The following FOXO3 variants were observed in gnomAD, a reference collection of about 807,000 sequenced individuals.
FOXO3 encodes the protein forkhead box O3.
In FOXO3, 4 loss-of-function variants were observed where a neutral mutation model predicts 41.9. That is an observed-to-expected ratio of 0.10 (90% CI 0.05 to 0.22). FOXO3 has a LOEUF of 0.22. Ranked by LOEUF, FOXO3 falls within the 10% of genes least tolerant of loss-of-function variation. FOXO3 has a pLI of 1.00. For missense variants in FOXO3, 534 were observed against 906.8 expected (o/e 0.59, Z 5.28); for synonymous variants, 318 against 389.3 (o/e 0.82, Z 2.16).
rs547004106 is a variant in FOXO3 at position 108,665,359 on chromosome 6, C to CT, written c.*34+477dup. ...ATCTTCAGTGTTACATGTTCTTCAT[C>CT]TTTTTTTCCTTGTAAAGTAATGATC... On this transcript the variant is annotated intron_variant, in intron 2 of 2. Transcript: ENST00000406360. 4.1e-3 allele frequency among the ~76,000 whole-genome samples: 626 copies of CT among 152,258 alleles called. 3 individuals carry two copies. The highest frequency in any genetic ancestry group is 7.0e-3 in the Non-Finnish European group (474 of 68,004).
intron 1 of FOXO3, among the ~76,000 whole-genome samples, chr6:108,647,305 C>T (rs1179431879): frequency 6.6e-6 from 1 of 152,186 alleles, no homozygotes; most frequent in Admixed American, 6.5e-5. Context: ...CTTATTTCTG[C>T]AGGCCTTGCC....
chr6:108,567,105 T>C (rs1256944189), intron 1 of FOXO3, among the ~76,000 whole-genome samples: 1 of 152,262 alleles, frequency 6.6e-6, no homozygotes, highest in East Asian at 1.9e-4. Flanking sequence ...ATCTGTGCTT[T>C]GTGAATTTGT....
intron 1 of FOXO3, among the ~76,000 whole-genome samples, chr6:108,661,152 G>A (rs1410775062): frequency 1.3e-5 from 2 of 152,086 alleles, no homozygotes; most frequent in Non-Finnish European, 2.9e-5. Flanking sequence ...TGAGGTGGGA[G>A]AATCACTTGA....
intron 1 of FOXO3, among the ~76,000 whole-genome samples, chr6:108,658,136 G>A (rs1778742930): frequency 6.6e-6 from 1 of 152,158 alleles, no homozygotes; most frequent in Non-Finnish European, 1.5e-5. Flanking sequence ...CATGACCTGT[G>A]AGGAAAACAG....
chr6:108,574,178 A>G (rs113095145), intron 1 of FOXO3, among the ~76,000 whole-genome samples: 7 of 151,550 alleles, frequency 4.6e-5, no homozygotes, highest in African/African-American at 1.7e-4. Flanking sequence ...AAAAAGAAGA[A>G]TTAGCGCGTA....
intron 1 of FOXO3, chr6:108,639,459 A>G (rs547212462): frequency 1.0e-3 from 735 of 705,706 alleles, no homozygotes; most frequent in Non-Finnish European, 1.2e-3. Flanking sequence ...AAGAAAGCCA[A>G]TAAGACCATG....
intron 2 of FOXO3, among the ~76,000 whole-genome samples, chr6:108,671,846 G>C (rs1353423861): frequency 1.3e-5 from 2 of 152,164 alleles, no homozygotes; most frequent in African/African-American, 2.4e-5. Flanking sequence ...TGCCAGTTTG[G>C]GGGTGCTCAT....
chr6:108,650,702 T>C (rs1396268239), intron 1 of FOXO3, among the ~76,000 whole-genome samples: 1 of 152,230 alleles, frequency 6.6e-6, no homozygotes, highest in African/African-American at 2.4e-5. Context: ...AACTTACACA[T>C]TTGGGAACAC....
chr6:108,574,467 G>C (rs1776207145), intron 1 of FOXO3, among the ~76,000 whole-genome samples: 1 of 152,078 alleles, frequency 6.6e-6, no homozygotes, highest in African/African-American at 2.4e-5. Context: ...GCAACATCAA[G>C]AAAAGCAGAT....
chr6:108,568,065 A>G (rs1426607420), intron 1 of FOXO3, among the ~76,000 whole-genome samples: 2 of 150,384 alleles, frequency 1.3e-5, no homozygotes, highest in African/African-American at 5.0e-5. Context: ...AAAAAAAATT[A>G]GCTCTGTTGT....
At chr6:108,625,873 T>A (rs557317052) in intron 1 of FOXO3, among the ~76,000 whole-genome samples, 4 of 152,204 alleles carry the variant, frequency 2.6e-5, no homozygotes, top group Non-Finnish European at 5.9e-5. Flanking sequence ...CCACCACAGG[T>A]CCTCAGTACA....
chr6:108,580,936 C>T (rs7747393), intron 1 of FOXO3, among the ~76,000 whole-genome samples: 28,278 of 152,044 alleles, frequency 0.19, 2,914 homozygotes, highest in Middle Eastern at 0.27. Flanking sequence ...GGCTCTAGAG[C>T]AGATGTGATA....
intron 1 of FOXO3, among the ~76,000 whole-genome samples, chr6:108,594,876 A>G (rs564197999): frequency 5.1e-4 from 78 of 152,336 alleles, no homozygotes; most frequent in African/African-American, 1.8e-3. Context: ...AGAATGGGCT[A>G]CACCTAAGCA....
At chr6:108,649,008 TAAAAAAAAAAAAAA>T (rs10612637) in intron 1 of FOXO3, among the ~76,000 whole-genome samples, 1 of 79,104 alleles carries the variant, frequency 1.3e-5, no homozygotes, top group Non-Finnish European at 2.4e-5. Context: ...ACCTATCTCT[TAAAAAAAAAAAAAA>T]AAAAAAAAAA....
intron 1 of FOXO3, among the ~76,000 whole-genome samples, chr6:108,652,593 A>G (rs1778576296): frequency 6.6e-6 from 1 of 152,206 alleles, no homozygotes; most frequent in Non-Finnish European, 1.5e-5. Context: ...CTTGATTTCT[A>G]GCACCACCAC....
intron 1 of FOXO3, among the ~76,000 whole-genome samples, chr6:108,585,182 C>T (rs1277287828): frequency 6.6e-6 from 1 of 151,936 alleles, no homozygotes; most frequent in Non-Finnish European, 1.5e-5. Context: ...GCTGGGACTA[C>T]AGGCGCCCGC....
In FOXO3 at chr6:108,624,375, G is replaced by T. The variant is rs900609730; in HGVS notation, c.622-39080G>T. 1.1e-4 allele frequency among the ~76,000 whole-genome samples: 16 copies of T among 152,038 alleles called. 1 individual carries two copies. The highest frequency in any genetic ancestry group is 1.0e-3 in the Admixed American group (16 of 15,264). On this transcript the variant is annotated intron_variant, in intron 1 of 2. Transcript: ENST00000406360. Reference sequence around the variant, plus strand: ...ACAGCATTTTTGGTACAAATCCAAGGAAGTCCAAAGAGGATCAGGTTTTAT... The same window carrying T: ...ACAGCATTTTTGGTACAAATCCAAGTAAGTCCAAAGAGGATCAGGTTTTAT...
intron 1 of FOXO3, among the ~76,000 whole-genome samples, chr6:108,640,817 A>G (rs1452793472): frequency 6.6e-6 from 1 of 152,194 alleles, no homozygotes; most frequent in African/African-American, 2.4e-5. Flanking sequence ...CTATTCATTC[A>G]TAGTTCATTC....
At chr6:108,582,445 C>A (rs1009773941) in intron 1 of FOXO3, among the ~76,000 whole-genome samples, 1 of 152,204 alleles carries the variant, frequency 6.6e-6, no homozygotes, top group African/African-American at 2.4e-5. Flanking sequence ...AGACCAATAA[C>A]ATTTTAAACA....
Sources: allele counts gnomAD v4.1 joint callset (sites outside exome capture counted in the v4.1 genomes callset), GRCh38; gene constraint gnomAD v4.1.1; transcripts MANE v1.5; gene names NCBI Gene and HGNC (gene_info 2026-07-23, HGNC 2026-07-21).